Variants in PHACTR4 observed in about 807,000 individuals in gnomAD.
PHACTR4 encodes phosphatase and actin regulator 4.
In PHACTR4, 51 loss-of-function variants were observed where a neutral mutation model predicts 72.7. The observed-to-expected ratio is 0.70, with a 90% confidence interval of 0.56 to 0.89. PHACTR4 has a LOEUF of 0.89. PHACTR4 is among the 40% of genes least tolerant of loss of function. The probability of loss-of-function intolerance (pLI) is 0.00; values close to 1 mark genes in which losing one functional copy is unlikely to be tolerated. For missense variants in PHACTR4, 731 were observed against 861.8 expected (o/e 0.85, Z 1.90); for synonymous variants, 255 against 302.5 (o/e 0.84, Z 1.63).
chr1:28,408,552 C>CT (rs1654529891), intron 2 of PHACTR4, among the ~76,000 whole-genome samples: 1 of 151,722 alleles, frequency 6.6e-6, no homozygotes, highest in African/African-American at 2.4e-5. Context: ...CAGGGAGACT[C>CT]TGTCTTAAAA....
intron 2 of PHACTR4, among the ~76,000 whole-genome samples, chr1:28,426,220 C>A (rs1197691391): frequency 1.4e-5 from 2 of 147,038 alleles, no homozygotes; most frequent in Non-Finnish European, 3.0e-5. Flanking sequence ...GAAACCTTCT[C>A]AAAAAAAAAA....
intron 1 of PHACTR4, among the ~76,000 whole-genome samples, chr1:28,382,546 G>T (rs899502483): frequency 6.6e-6 from 1 of 151,020 alleles, no homozygotes; most frequent in Non-Finnish European, 1.5e-5. Flanking sequence ...CTCGTGATCC[G>T]CCCGCCTCAG....
chr1:28,453,867 A>G, intron 2 of PHACTR4: 1 of 865,362 alleles, frequency 1.2e-6, no homozygotes, highest in Non-Finnish European at 1.9e-6. Flanking sequence ...AAAAGTTGCT[A>G]CTGGATCAGG....
chr1:28,419,358 T>C (rs1655350033), intron 2 of PHACTR4, among the ~76,000 whole-genome samples: 1 of 152,080 alleles, frequency 6.6e-6, no homozygotes, highest in Non-Finnish European at 1.5e-5. Context: ...TTTATTGCAA[T>C]ATCTAAGGAT....
chr1:28,375,825 T>A (rs1651612619), intron 1 of PHACTR4, among the ~76,000 whole-genome samples: 1 of 152,146 alleles, frequency 6.6e-6, no homozygotes, highest in Admixed American at 6.6e-5. Context: ...ATCCCAGGAC[T>A]GTGGGAGGCC....
At chr1:28,396,289 T>C (rs951535484) in intron 1 of PHACTR4, among the ~76,000 whole-genome samples, 1 of 151,888 alleles carries the variant, frequency 6.6e-6, no homozygotes, top group Admixed American at 6.6e-5. Context: ...CCGAGCACTT[T>C]GGGAGGTCGA....
chr1:28,458,108 TTGTGTG>T (rs539564108), intron 2 of PHACTR4, among the ~76,000 whole-genome samples: 4,169 of 120,284 alleles, frequency 0.035, 71 homozygotes, highest in South Asian at 0.07. Flanking sequence ...GTGTGTGTGT[TTGTGTG>T]TGTGTGTGTG....
chr1:28,377,248 T>C (rs1344310435), intron 1 of PHACTR4, among the ~76,000 whole-genome samples: 1 of 150,642 alleles, frequency 6.6e-6, no homozygotes, highest in Non-Finnish European at 1.5e-5. Flanking sequence ...TTTTTTTTTT[T>C]TTTTTTGTAG....
chr1:28,460,878 A>G (rs1238268725), intron 4 of PHACTR4, among the ~76,000 whole-genome samples: 1 of 151,924 alleles, frequency 6.6e-6, no homozygotes, highest in Non-Finnish European at 1.5e-5. Flanking sequence ...TCCTGACCTC[A>G]GGTGTTCTGC....
At chr1:28,382,782 A>G (rs1027500637) in intron 1 of PHACTR4, among the ~76,000 whole-genome samples, 1 of 151,472 alleles carries the variant, frequency 6.6e-6, no homozygotes, top group Admixed American at 6.6e-5. Flanking sequence ...TTATCCCAGC[A>G]CTGTTTATTA....
chr1:28,370,233 T>G (rs1254346438), intron 1 of PHACTR4, among the ~76,000 whole-genome samples: 1 of 152,114 alleles, frequency 6.6e-6, no homozygotes, highest in Non-Finnish European at 1.5e-5. Flanking sequence ...TCAAAGTACA[T>G]TTTTCAAAAC....
intron 2 of PHACTR4, among the ~76,000 whole-genome samples, chr1:28,441,546 G>A (rs1657032011): frequency 1.3e-5 from 2 of 152,122 alleles, no homozygotes; most frequent in African/African-American, 4.8e-5. Flanking sequence ...TTCTACTGTA[G>A]GATCTTTCTA....
chr1:28,469,499 A>G lies in PHACTR4; in HGVS notation c.823+2731A>G, dbSNP rs1468595063. ...GCCAGATGCTGTTGTCAGGGTATATATACCAGAATTTACTTCCTTAACATA... is the reference window on the plus strand; with the variant it reads ...GCCAGATGCTGTTGTCAGGGTATATGTACCAGAATTTACTTCCTTAACATA... On this transcript the variant is annotated intron_variant, in intron 6 of 13. Coordinates refer to ENST00000373839, the MANE Select transcript of PHACTR4 (RefSeq NM_001048183.3). 2.0e-5 allele frequency among the ~76,000 whole-genome samples: 3 copies of G among 152,240 alleles called. No individual in the cohort carries two copies. The East Asian group carries it at 5.8e-4, about 29-fold the overall frequency.
chr1:28,393,507 A>G (rs1223667132), intron 1 of PHACTR4, among the ~76,000 whole-genome samples: 1 of 152,210 alleles, frequency 6.6e-6, no homozygotes, highest in Non-Finnish European at 1.5e-5. Context: ...ATGTTATAGC[A>G]CAATGCATTA....
rs1297297050 is a variant in PHACTR4 at position 28,431,178 on chromosome 1, CA to C, written c.16+23728del. 6.1e-3 allele frequency among the ~76,000 whole-genome samples: 483 copies of C among 79,618 alleles called. 4 individuals are homozygous for C. Among genetic ancestry groups the C allele is most frequent in the Middle Eastern group, 0.012 (1 of 86 alleles). The allele number at this position is 79,618 out of a possible 152,430, so 52.2% of individuals were successfully genotyped here. On this transcript the variant is annotated intron_variant, in intron 2 of 13. Transcript: ENST00000373839. The stretch of plus-strand genomic sequence containing the variant: ...TGGGCCACAGAGCGAGACTCCATCT[CA>C]AAAAAAAAAAAACCAAAATATATAT...
intron 1 of PHACTR4, among the ~76,000 whole-genome samples, chr1:28,397,353 A>G (rs1415919863): frequency 2.0e-5 from 3 of 152,192 alleles, no homozygotes; most frequent in Admixed American, 6.6e-5. Flanking sequence ...TTTGTAACCA[A>G]AATCATTAAC....
intron 2 of PHACTR4, among the ~76,000 whole-genome samples, chr1:28,418,517 C>T (rs1423056700): frequency 6.6e-6 from 1 of 151,806 alleles, no homozygotes; most frequent in Non-Finnish European, 1.5e-5. Context: ...CAAACAAATA[C>T]ATTTGTTCTA....
chr1:28,496,421 AG>A lies in PHACTR4; in HGVS notation c.2094-112del, dbSNP rs1372957163. The A allele has an allele frequency of 1.9e-5, 23 of 1,200,792 alleles. No homozygotes were observed. In the East Asian group the frequency reaches 4.9e-4, roughly 26 times the overall value. The allele number at this position is 1,200,792 out of a possible 1,614,324, so 74.4% of individuals were successfully genotyped here. ...TGCAACAGAAAGGTCAGGTCGAATT[AG>A]AGCAGAGGAAAGGCAGTGTTAATTA... On this transcript the variant is annotated intron_variant, in intron 13 of 13. Coordinates refer to ENST00000373839, the MANE Select transcript of PHACTR4 (RefSeq NM_001048183.3).
chr1:28,493,587 A>G (rs1661169393), intron 13 of PHACTR4, among the ~76,000 whole-genome samples: 1 of 152,096 alleles, frequency 6.6e-6, no homozygotes, highest in Non-Finnish European at 1.5e-5. Flanking sequence ...ATGGCATTTC[A>G]TGTATATTAT....
Sources: gnomAD v4.1 joint callset for allele counts (sites outside exome capture counted in the v4.1 genomes callset) on GRCh38, gnomAD v4.1.1 for gene constraint, MANE v1.5 for transcripts, NCBI Gene and HGNC (gene_info 2026-07-23, HGNC 2026-07-21) for gene names.